Variants in TCF12 observed in about 807,000 individuals in gnomAD.
The protein encoded by TCF12 is DNA-binding protein HTF4.
Under a neutral mutation model 86.0 loss-of-function variants are expected in TCF12, and 45 were observed. That is an observed-to-expected ratio of 0.52 (90% CI 0.41 to 0.67). The LOEUF (loss-of-function observed/expected upper bound fraction) is 0.67, where lower values mean the gene tolerates loss of function less well. Among genes scored for constraint, TCF12 ranks in the 30% least tolerant of loss-of-function variants. TCF12 has a pLI of 0.00. For missense variants in TCF12, 881 were observed against 859.9 expected (o/e 1.02, Z -0.31); for synonymous variants, 330 against 299.6 (o/e 1.10, Z -1.05).
chr15:57,088,475 T>A (rs2048787525), intron 4 of TCF12, among the ~76,000 whole-genome samples: 1 of 148,606 alleles, frequency 6.7e-6, no homozygotes, highest in African/African-American at 2.5e-5. Flanking sequence ...ATAAAAATAT[T>A]TTGCTATTCT....
chr15:57,059,479 A>C (rs1050651850), intron 3 of TCF12, among the ~76,000 whole-genome samples: 2 of 152,020 alleles, frequency 1.3e-5, no homozygotes, highest in Non-Finnish European at 2.9e-5. Context: ...CTAACTGAAA[A>C]TATTTTCCCA....
chr15:57,217,754 G>A (rs1363265696), intron 8 of TCF12, among the ~76,000 whole-genome samples: 1 of 151,938 alleles, frequency 6.6e-6, no homozygotes, highest in African/African-American at 2.4e-5. Flanking sequence ...TGTTTTGAGA[G>A]TAGCCGATCT....
At chr15:57,248,054 A>C (rs750007413) in intron 13 of TCF12, 31 of 703,156 alleles carry the variant, frequency 4.4e-5, no homozygotes, top group Non-Finnish European at 8.0e-5. Flanking sequence ...TTGAGACCAG[A>C]CAACTGGACT....
At chr15:57,261,383 A>G (rs2060577944) in intron 16 of TCF12, among the ~76,000 whole-genome samples, 1 of 152,150 alleles carries the variant, frequency 6.6e-6, no homozygotes. Context: ...CCAAAGGATA[A>G]ACTTGCATAG....
At chr15:57,244,584 C>T (rs770367216) in intron 13 of TCF12, among the ~76,000 whole-genome samples, 3 of 152,054 alleles carry the variant, frequency 2.0e-5, no homozygotes, top group Non-Finnish European at 4.4e-5. Context: ...CTCAGCTTCC[C>T]GAGTAGCTGG....
At chr15:57,134,704 T>C (rs1286083591) in intron 5 of TCF12, among the ~76,000 whole-genome samples, 3 of 152,166 alleles carry the variant, frequency 2.0e-5, no homozygotes, top group Non-Finnish European at 2.9e-5. Context: ...TCAGATACAA[T>C]TAAGACTTCA....
At chr15:57,150,960 C>T (rs1165159339) in intron 5 of TCF12, among the ~76,000 whole-genome samples, 2 of 138,670 alleles carry the variant, frequency 1.4e-5, no homozygotes, top group Non-Finnish European at 3.1e-5. Context: ...TCCCCTTTTC[C>T]TTTTCCTTTC....
intron 5 of TCF12, among the ~76,000 whole-genome samples, chr15:57,096,859 T>G (rs961831049): frequency 3.3e-5 from 5 of 152,196 alleles, no homozygotes; most frequent in Admixed American, 1.3e-4. Context: ...ATTGCTCAAG[T>G]ATATTACTGT....
At chr15:57,079,240 T>A (rs2070408760) in intron 4 of TCF12, among the ~76,000 whole-genome samples, 1 of 152,236 alleles carries the variant, frequency 6.6e-6, no homozygotes, top group Admixed American at 6.5e-5. Context: ...CACATCAGAA[T>A]AGAGTTTTTC....
At chr15:57,240,044 A>G (rs1286421786) in intron 12 of TCF12, among the ~76,000 whole-genome samples, 1 of 152,230 alleles carries the variant, frequency 6.6e-6, no homozygotes, top group Non-Finnish European at 1.5e-5. Flanking sequence ...CTCTGGGGAA[A>G]CCTACATTAA....
At chr15:57,163,008 G>A (rs1275696031) in intron 5 of TCF12, among the ~76,000 whole-genome samples, 3 of 151,594 alleles carry the variant, frequency 2.0e-5, no homozygotes, top group East Asian at 2.0e-4. Flanking sequence ...ACCCTATCTC[G>A]ACTGAAAACA....
At chr15:57,135,622 G>A (rs2052466141) in intron 5 of TCF12, among the ~76,000 whole-genome samples, 1 of 152,148 alleles carries the variant, frequency 6.6e-6, no homozygotes, top group Non-Finnish European at 1.5e-5. Context: ...GGATTTGTAA[G>A]ATTTGAGATA....
At chr15:57,285,391 T>C (rs1188238826) in intron 20 of TCF12, among the ~76,000 whole-genome samples, 1 of 152,240 alleles carries the variant, frequency 6.6e-6, no homozygotes, top group African/African-American at 2.4e-5. Flanking sequence ...CTGCTATATA[T>C]ATTATATTGG....
intron 3 of TCF12, among the ~76,000 whole-genome samples, chr15:56,948,695 G>A (rs1464743978): frequency 6.6e-6 from 1 of 152,182 alleles, no homozygotes; most frequent in East Asian, 1.9e-4. Flanking sequence ...AAGCTTAGAG[G>A]TTACAGCCAG....
chr15:56,967,978 C>T (rs1444539741), intron 3 of TCF12, among the ~76,000 whole-genome samples: 3 of 151,990 alleles, frequency 2.0e-5, no homozygotes, highest in South Asian at 2.1e-4. Flanking sequence ...TTTTTTGAGG[C>T]AGAGCCTTGC....
chr15:57,278,874 CTTTT>C (rs1192339013), intron 19 of TCF12, among the ~76,000 whole-genome samples: 3 of 143,514 alleles, frequency 2.1e-5, no homozygotes, highest in Non-Finnish European at 4.6e-5. Context: ...TTCTTTCTTT[CTTTT>C]TGTCTTATTC....
chr15:56,941,140 G>A (rs1176419419), intron 3 of TCF12, among the ~76,000 whole-genome samples: 1 of 151,724 alleles, frequency 6.6e-6, no homozygotes, highest in African/African-American at 2.4e-5. Context: ...TGAGGTGGGT[G>A]TATCACTTGA....
chr15:57,014,604 G>GTCTTTT (rs1486344860), intron 3 of TCF12, among the ~76,000 whole-genome samples: 1 of 152,120 alleles, frequency 6.6e-6, no homozygotes, highest in Admixed American at 6.5e-5. Flanking sequence ...TGGGCATGAT[G>GTCTTTT]TCTTTTTCTT....
chr15:57,062,878 T>G lies in TCF12; in HGVS notation c.149-872T>G, dbSNP rs372528084. 2.4e-3 allele frequency among the ~76,000 whole-genome samples: 360 copies of G among 152,276 alleles called. 5 individuals carry two copies. In the South Asian group the frequency reaches 0.036, roughly 15 times the overall value. The stretch of plus-strand genomic sequence containing the variant: ...TCATAGAATGAAACTCAGAAGGGGT[T>G]AGAGAAGTGTACCCTCCTTGCAGTC... On this transcript the variant is annotated intron_variant, in intron 3 of 20. Coordinates refer to ENST00000333725, the MANE Select transcript of TCF12 (RefSeq NM_207037.2).
Sources: allele counts gnomAD v4.1 joint callset (sites outside exome capture counted in the v4.1 genomes callset), GRCh38; gene constraint gnomAD v4.1.1; transcripts MANE v1.5; gene names NCBI Gene and HGNC (gene_info 2026-07-23, HGNC 2026-07-21).